The following IMMP2L variants were observed in gnomAD, a reference collection of about 807,000 sequenced individuals.
The protein encoded by IMMP2L is mitochondrial inner membrane protease subunit 2.
Under a neutral mutation model 19.3 loss-of-function variants are expected in IMMP2L, and 18 were observed. The ratio of observed to expected loss-of-function variants is 0.93; its 90% CI spans 0.64 to 1.38. IMMP2L has a LOEUF of 1.38. Among genes scored for constraint, IMMP2L ranks in the 40% most tolerant of loss-of-function variants. The pLI is 0.00. For missense variants in IMMP2L, 233 were observed against 218.2 expected, an observed-to-expected ratio of 1.07 and a Z score of -0.43; for synonymous variants, 76 against 73.0, an observed-to-expected ratio of 1.04 and a Z score of -0.21.
At chr7:111,417,802 T>C (rs1835095592) in intron 3 of IMMP2L, among the ~76,000 whole-genome samples, 1 of 151,934 alleles carries the variant, frequency 6.6e-6, no homozygotes, top group South Asian at 2.1e-4. Flanking sequence ...CATATACAAT[T>C]ATAAATGTAG....
chr7:110,737,453 T>C (rs1400325407), intron 5 of IMMP2L, among the ~76,000 whole-genome samples: 4 of 152,124 alleles, frequency 2.6e-5, no homozygotes. Context: ...CCTTAATCCT[T>C]CTGGGAATAT....
intron 3 of IMMP2L, among the ~76,000 whole-genome samples, chr7:111,431,343 A>G (rs555063321): frequency 6.6e-6 from 1 of 151,988 alleles, no homozygotes; most frequent in African/African-American, 2.4e-5. Flanking sequence ...GTAAAGAGAA[A>G]TTGTTGTACG....
At chr7:111,404,345 A>C (rs190235035) in intron 3 of IMMP2L, among the ~76,000 whole-genome samples, 3 of 152,078 alleles carry the variant, frequency 2.0e-5, no homozygotes, top group Non-Finnish European at 4.4e-5. Context: ...TACAATGAAA[A>C]AATTTTACTT....
chr7:110,927,555 C>A (rs1814990158), intron 4 of IMMP2L, among the ~76,000 whole-genome samples: 1 of 151,834 alleles, frequency 6.6e-6, no homozygotes, highest in African/African-American at 2.4e-5. Flanking sequence ...GAAGAATGGT[C>A]AAGGAGATGG....
intron 5 of IMMP2L, among the ~76,000 whole-genome samples, chr7:110,816,791 C>T (rs1239943736): frequency 2.6e-5 from 4 of 151,416 alleles, no homozygotes; most frequent in African/African-American, 9.7e-5. Flanking sequence ...ATTGCAACCC[C>T]TGCCTTTTTT....
chr7:111,100,541 A>T (rs1797862375), intron 3 of IMMP2L, among the ~76,000 whole-genome samples: 1 of 149,752 alleles, frequency 6.7e-6, no homozygotes, highest in Non-Finnish European at 1.5e-5. Flanking sequence ...GATTAGTATA[A>T]TATTATTTAA....
chr7:110,741,683 A>T (rs1231485935), intron 5 of IMMP2L, among the ~76,000 whole-genome samples: 1 of 152,242 alleles, frequency 6.6e-6, no homozygotes, highest in Non-Finnish European at 1.5e-5. Context: ...GCCAGAATGA[A>T]TTAAGACAGT....
intron 3 of IMMP2L, among the ~76,000 whole-genome samples, chr7:111,458,938 G>A (rs565780174): frequency 1.3e-5 from 2 of 152,090 alleles, no homozygotes; most frequent in East Asian, 3.9e-4. Context: ...CTCAATACTT[G>A]GGGACATATA....
At chr7:111,091,237 T>C (rs1026990993) in intron 3 of IMMP2L, 5 of 152,192 alleles carry the variant, frequency 3.3e-5, no homozygotes, top group African/African-American at 1.2e-4. Context: ...AGCCTCAGCC[T>C]GCCGACTGAG....
intron 4 of IMMP2L, among the ~76,000 whole-genome samples, chr7:110,953,626 C>T (rs577271724): frequency 3.9e-5 from 6 of 152,202 alleles, no homozygotes; most frequent in Admixed American, 3.9e-4. Flanking sequence ...CCACAATAAA[C>T]ATATATGTGC....
chr7:110,796,501 A>G (rs953816356), intron 5 of IMMP2L, among the ~76,000 whole-genome samples: 2 of 152,084 alleles, frequency 1.3e-5, no homozygotes, highest in African/African-American at 4.8e-5. Flanking sequence ...AGATTTTCTA[A>G]CAAAAACTCT....
At chr7:111,175,761 G>C (rs1806990283) in intron 3 of IMMP2L, among the ~76,000 whole-genome samples, 1 of 151,766 alleles carries the variant, frequency 6.6e-6, no homozygotes, top group Admixed American at 6.6e-5. Context: ...GAAAACCCAT[G>C]CAAAAATGGA....
At chr7:110,775,740 C>T (rs1799341280) in intron 5 of IMMP2L, among the ~76,000 whole-genome samples, 1 of 151,752 alleles carries the variant, frequency 6.6e-6, no homozygotes, top group South Asian at 2.1e-4. Flanking sequence ...GAGAACAAAA[C>T]ATTAAATGTA....
chr7:110,963,171 C>T (rs1819151027), intron 4 of IMMP2L: 1 of 1,060,846 alleles, frequency 9.4e-7, no homozygotes, highest in Non-Finnish European at 1.3e-6. Flanking sequence ...TTAAATGAAC[C>T]TTAACATCAT....
chr7:110,917,250 T>A (rs574875889), intron 4 of IMMP2L, among the ~76,000 whole-genome samples: 1 of 152,316 alleles, frequency 6.6e-6, no homozygotes, highest in East Asian at 1.9e-4. Flanking sequence ...GCCCTTTCAA[T>A]ACCAGACTTG....
intron 3 of IMMP2L, among the ~76,000 whole-genome samples, chr7:111,281,210 GAAAGAA>G (rs879883901): frequency 0.02 from 897 of 44,998 alleles, 35 homozygotes; most frequent in African/African-American, 0.036. Flanking sequence ...AAGAAAGAAA[GAAAGAA>G]AAAGAAAGAA....
chr7:111,307,698 G>C (rs1354206928), intron 3 of IMMP2L, among the ~76,000 whole-genome samples: 1 of 151,352 alleles, frequency 6.6e-6, no homozygotes, highest in Non-Finnish European at 1.5e-5. Flanking sequence ...TTTACAGTTT[G>C]TTTTTATTCC....
chr7:111,337,447 T>C (rs1435224198), intron 3 of IMMP2L, among the ~76,000 whole-genome samples: 1 of 136,840 alleles, frequency 7.3e-6, no homozygotes, highest in Non-Finnish European at 1.6e-5. Context: ...GTTATTTGGA[T>C]GGAAGGATGG....
intron 4 of IMMP2L, among the ~76,000 whole-genome samples, chr7:110,921,846 T>C (rs1449619419): frequency 2.0e-5 from 3 of 152,206 alleles, no homozygotes; most frequent in Non-Finnish European, 4.4e-5. Flanking sequence ...TCCTAGAAGT[T>C]AACAGTAGAC....
Sources: allele counts gnomAD v4.1 joint callset (sites outside exome capture counted in the v4.1 genomes callset), GRCh38; gene constraint gnomAD v4.1.1; transcripts MANE v1.5; gene names NCBI Gene and HGNC (gene_info 2026-07-23, HGNC 2026-07-21).